Variants in CTNND2 observed in about 807,000 individuals in gnomAD.
CTNND2 encodes catenin delta-2.
Under a neutral mutation model 144.4 loss-of-function variants are expected in CTNND2, and 22 were observed. The ratio of observed to expected loss-of-function variants is 0.15; its 90% CI spans 0.11 to 0.22. The LOEUF is 0.22. Ranked by LOEUF, CTNND2 falls within the 10% of genes least tolerant of loss-of-function variation. The pLI is 1.00. For missense variants in CTNND2, 1,353 were observed against 1,618.8 expected (o/e 0.84, Z 2.82); for synonymous variants, 751 against 695.6 (o/e 1.08, Z -1.25).
At chr5:11,466,797 C>T (rs1766716237) in intron 3 of CTNND2, among the ~76,000 whole-genome samples, 1 of 152,120 alleles carries the variant, frequency 6.6e-6, no homozygotes, top group Non-Finnish European at 1.5e-5. Context: ...TTTTATCTTC[C>T]CCTCCCCCAC....
At chr5:11,446,356 C>G (rs1030273560) in intron 3 of CTNND2, among the ~76,000 whole-genome samples, 5 of 152,150 alleles carry the variant, frequency 3.3e-5, no homozygotes, top group Admixed American at 2.6e-4. Flanking sequence ...TTCTTCTCCT[C>G]GGTTCATGGG....
chr5:11,403,338 T>C (rs1581121231), intron 5 of CTNND2, among the ~76,000 whole-genome samples: 1 of 152,182 alleles, frequency 6.6e-6, no homozygotes, highest in African/African-American at 2.4e-5. Flanking sequence ...TTGCTGAGAA[T>C]GATGGTTTCC....
chr5:11,220,305 A>T (rs1311836641), intron 10 of CTNND2, among the ~76,000 whole-genome samples: 1 of 152,180 alleles, frequency 6.6e-6, no homozygotes, highest in Non-Finnish European at 1.5e-5. Context: ...AAAGCCCCAT[A>T]GATGGTGGCA....
chr5:11,149,908 T>C (rs1475670402), intron 12 of CTNND2, among the ~76,000 whole-genome samples: 3 of 152,198 alleles, frequency 2.0e-5, no homozygotes, highest in Admixed American at 2.0e-4. Flanking sequence ...GAAAATTTTG[T>C]AGTGGGTACT....
At position 11,022,792 on chromosome 5, in the gene CTNND2, G is replaced by A; in HGVS notation, c.2976C>T (p.Gly992=). Residue 992 remains glycine, a synonymous_variant, in exon 17 of 22, where the codon GGC becomes GGT. Transcript: ENST00000304623. ...RDAGGIEKLV[G]ISKSKGDKHS... ...ACTTATCTCCTTTGCTTTTGGAGAT[G>A]CCGACCAACTTCTCGATGCCACCGG... 6.2e-7 allele frequency: 1 copy of A among 1,614,098 alleles called. No homozygotes were observed. The highest frequency in any genetic ancestry group is 1.3e-5 in the African/African-American group (1 of 75,054).
chr5:11,592,162 G>T (rs62338625), intron 2 of CTNND2, among the ~76,000 whole-genome samples: 44,479 of 113,906 alleles, frequency 0.39, 8,628 homozygotes, highest in Middle Eastern at 0.61. Flanking sequence ...CTTCCTGCCT[G>T]CCTGCCTTCC....
chr5:11,704,370 C>T (rs1181685311), intron 2 of CTNND2, among the ~76,000 whole-genome samples: 7 of 152,172 alleles, frequency 4.6e-5, no homozygotes, highest in African/African-American at 7.2e-5. Flanking sequence ...TTTTTCACTT[C>T]GGTCAAGAAA....
At chr5:11,647,297 C>T (rs929119986) in intron 2 of CTNND2, among the ~76,000 whole-genome samples, 1 of 152,158 alleles carries the variant, frequency 6.6e-6, no homozygotes, top group Non-Finnish European at 1.5e-5. Context: ...TGTCTGCCTT[C>T]TCCATGTCTA....
chr5:11,710,062 T>C (rs1401522458), intron 2 of CTNND2, among the ~76,000 whole-genome samples: 1 of 152,096 alleles, frequency 6.6e-6, no homozygotes, highest in Middle Eastern at 3.2e-3. Context: ...CATTTCAATG[T>C]AGTGAGGGAG....
chr5:11,489,149 A>G (rs1438468877), intron 3 of CTNND2, among the ~76,000 whole-genome samples: 1 of 152,086 alleles, frequency 6.6e-6, no homozygotes, highest in African/African-American at 2.4e-5. Flanking sequence ...AGTCTATAGT[A>G]TTTTGCATTC....
At chr5:11,886,583 G>GA (rs200349512) in intron 1 of CTNND2, among the ~76,000 whole-genome samples, 3 of 150,884 alleles carry the variant, frequency 2.0e-5, no homozygotes, top group Non-Finnish European at 3.0e-5. Context: ...TACTTAGACT[G>GA]AAAAAAAAAG....
intron 9 of CTNND2, among the ~76,000 whole-genome samples, chr5:11,322,328 A>T (rs1752116239): frequency 6.6e-6 from 1 of 152,170 alleles, no homozygotes; most frequent in Admixed American, 6.5e-5. Context: ...TTTCTTGAAG[A>T]TGCAGACGTA....
At chr5:11,720,751 A>C (rs887059981) in intron 2 of CTNND2, among the ~76,000 whole-genome samples, 4 of 152,100 alleles carry the variant, frequency 2.6e-5, no homozygotes, top group East Asian at 3.8e-4. Flanking sequence ...TCTGCCATGG[A>C]ATTTTTTTGA....
chr5:11,057,415 A>C (rs374890482), intron 16 of CTNND2, among the ~76,000 whole-genome samples: 36 of 152,306 alleles, frequency 2.4e-4, no homozygotes, highest in African/African-American at 8.2e-4. Flanking sequence ...ATGAGATCTC[A>C]TCATTTTAAA....
At chr5:11,636,894 T>G (rs1309868498) in intron 2 of CTNND2, among the ~76,000 whole-genome samples, 1 of 152,158 alleles carries the variant, frequency 6.6e-6, no homozygotes, top group Non-Finnish European at 1.5e-5. Flanking sequence ...ATCCCACACA[T>G]GGGCTTTTAT....
intron 12 of CTNND2, among the ~76,000 whole-genome samples, chr5:11,125,906 T>C (rs1027877050): frequency 6.6e-6 from 1 of 152,234 alleles, no homozygotes; most frequent in African/African-American, 2.4e-5. Flanking sequence ...TTTTTTACCA[T>C]AACAATTCCT....
intron 1 of CTNND2, among the ~76,000 whole-genome samples, chr5:11,778,346 T>C (rs968079368): frequency 1.3e-5 from 2 of 151,950 alleles, no homozygotes; most frequent in Admixed American, 1.3e-4. Context: ...AGAAGACAGG[T>C]GTGAGAACTA....
At chr5:11,509,934 T>C (rs911800485) in intron 3 of CTNND2, among the ~76,000 whole-genome samples, 3 of 152,082 alleles carry the variant, frequency 2.0e-5, no homozygotes, top group African/African-American at 7.2e-5. Flanking sequence ...AACAAATCGT[T>C]ATTATTTTTC....
chr5:11,133,404 G>A lies in CTNND2; in HGVS notation c.2160-15837C>T, dbSNP rs868829805. ...TTTCACTCTTGTTGCCCAGGCTGGA[G>A]TGCAATGATGCGATCTTGGCTCACT... On this transcript the variant is annotated intron_variant, in intron 12 of 21. Transcript: ENST00000304623. 1.2e-4 allele frequency among the ~76,000 whole-genome samples: 18 copies of A among 152,134 alleles called. No homozygotes were observed. The South Asian group carries it at 3.5e-3, about 30-fold the overall frequency.
Sources: gnomAD v4.1 joint callset for allele counts (sites outside exome capture counted in the v4.1 genomes callset) on GRCh38, gnomAD v4.1.1 for gene constraint, MANE v1.5 for transcripts, NCBI Gene and HGNC (gene_info 2026-07-23, HGNC 2026-07-21) for gene names.